CNBD1: variants seen among roughly 807,000 people sequenced by gnomAD.
CNBD1 encodes the protein cyclic nucleotide-binding domain-containing protein 1.
In CNBD1, 71 loss-of-function variants were observed where a neutral mutation model predicts 54.4. That is an observed-to-expected ratio of 1.30 (90% CI 1.08 to 1.59). The LOEUF (loss-of-function observed/expected upper bound fraction) is 1.59. CNBD1 is among the 40% of genes most tolerant of loss of function. The pLI is 0.00. For synonymous variants in CNBD1, 182 were observed against 170.7 expected (o/e 1.07, Z -0.51); for missense variants, 659 against 518.0 (o/e 1.27, Z -2.64).
chr8:87,298,969 G>A (rs192641299), intron 8 of CNBD1, among the ~76,000 whole-genome samples: 15 of 152,214 alleles, frequency 9.9e-5, no homozygotes, highest in Middle Eastern at 3.4e-3. Flanking sequence ...AATCTCAAAC[G>A]TTTACCATTC....
intron 3 of CNBD1, among the ~76,000 whole-genome samples, chr8:86,935,754 CCTTATA>C (rs2130415920): frequency 6.6e-6 from 1 of 152,152 alleles, no homozygotes; most frequent in Non-Finnish European, 1.5e-5. Flanking sequence ...TTATATATTT[CCTTATA>C]CTTATTTTGA....
At chr8:87,073,278 C>A (rs535445057) in intron 4 of CNBD1, among the ~76,000 whole-genome samples, 91 of 152,182 alleles carry the variant, frequency 6.0e-4, no homozygotes, top group Non-Finnish European at 1.1e-3. Flanking sequence ...TTTGTTATTA[C>A]TCACCTTGTG....
At chr8:87,134,383 G>A (rs1812182623) in intron 4 of CNBD1, among the ~76,000 whole-genome samples, 1 of 152,016 alleles carries the variant, frequency 6.6e-6, no homozygotes, top group Admixed American at 6.6e-5. Flanking sequence ...ACAAAAAAGA[G>A]TATATAGTGT....
At chr8:87,173,959 T>TTTA (rs145708759) in intron 4 of CNBD1, among the ~76,000 whole-genome samples, 50 of 151,418 alleles carry the variant, frequency 3.3e-4, no homozygotes, top group African/African-American at 1.0e-3. Context: ...TATTTATTTA[T>TTTA]TTATTATTAT....
intron 4 of CNBD1, among the ~76,000 whole-genome samples, chr8:86,979,224 G>T (rs1245046436): frequency 1.3e-5 from 2 of 151,078 alleles, no homozygotes; most frequent in Non-Finnish European, 2.9e-5. Context: ...TTTTATTATG[G>T]GCAATATATT....
intron 4 of CNBD1, among the ~76,000 whole-genome samples, chr8:87,183,125 C>G (rs185459076): frequency 6.8e-4 from 104 of 152,240 alleles, no homozygotes; most frequent in Admixed American, 2.1e-3. Context: ...CATGGCTAGA[C>G]AGTTATCCCA....
chr8:86,993,981 G>A (rs1486597335), intron 4 of CNBD1, among the ~76,000 whole-genome samples: 1 of 152,182 alleles, frequency 6.6e-6, no homozygotes, highest in Admixed American at 6.5e-5. Context: ...GCTCTATTGG[G>A]TAGAGGTCGT....
chr8:87,368,658 G>T (rs1586052645), intron 10 of CNBD1, among the ~76,000 whole-genome samples: 1 of 151,868 alleles, frequency 6.6e-6, no homozygotes, highest in Admixed American at 6.6e-5. Flanking sequence ...GAGAGAGAGT[G>T]AGAGAGAGAC....
intron 8 of CNBD1, among the ~76,000 whole-genome samples, chr8:87,301,541 C>T (rs948941823): frequency 6.6e-6 from 1 of 152,070 alleles, no homozygotes; most frequent in Non-Finnish European, 1.5e-5. Flanking sequence ...GATAGTTTAG[C>T]ATATGCAAGT....
At chr8:86,968,126 C>T (rs933120616) in intron 4 of CNBD1, among the ~76,000 whole-genome samples, 1 of 151,928 alleles carries the variant, frequency 6.6e-6, no homozygotes, top group Non-Finnish European at 1.5e-5. Flanking sequence ...GGATTTGGCT[C>T]GTCTGACAAA....
chr8:87,023,810 CT>C (rs528143655), intron 4 of CNBD1, among the ~76,000 whole-genome samples: 103 of 152,254 alleles, frequency 6.8e-4, no homozygotes, highest in Middle Eastern at 3.4e-3. Context: ...TTTGTTCTGA[CT>C]TCTTAGAAAG....
intron 8 of CNBD1, among the ~76,000 whole-genome samples, chr8:87,337,740 C>T (rs1283801177): frequency 6.6e-6 from 1 of 152,238 alleles, no homozygotes; most frequent in Non-Finnish European, 1.5e-5. Context: ...GTGTGGCTCT[C>T]AGGTGAGCTG....
chr8:87,049,696 T>G (rs781213613), intron 4 of CNBD1, among the ~76,000 whole-genome samples: 30 of 152,214 alleles, frequency 2.0e-4, no homozygotes, highest in Non-Finnish European at 4.3e-4. Flanking sequence ...GTGCAGGGTT[T>G]AGGCAAGGGC....
intron 8 of CNBD1, among the ~76,000 whole-genome samples, chr8:87,297,163 C>CAAAA (rs555582073): frequency 1.1e-5 from 1 of 88,720 alleles, no homozygotes. Context: ...GGGTCCGTCT[C>CAAAA]AAAAAAAAAA....
chr8:86,897,210 C>T (rs997879604), intron 2 of CNBD1, among the ~76,000 whole-genome samples: 1 of 152,080 alleles, frequency 6.6e-6, no homozygotes, highest in Non-Finnish European at 1.5e-5. Flanking sequence ...TTGCACTGGG[C>T]CCCGCAAATT....
chr8:86,951,916 A>T (rs1333187655), intron 4 of CNBD1, among the ~76,000 whole-genome samples: 1 of 152,162 alleles, frequency 6.6e-6, no homozygotes, highest in Admixed American at 6.6e-5. Context: ...AGCTACTAAG[A>T]TTAAAAAGCT....
intron 4 of CNBD1, among the ~76,000 whole-genome samples, chr8:87,063,842 G>T (rs961555537): frequency 6.6e-6 from 1 of 151,566 alleles, no homozygotes; most frequent in Non-Finnish European, 1.5e-5. Context: ...ATTATTTCTA[G>T]CAGTTTTATA....
At chr8:87,059,513 G>T (rs1014714218) in intron 4 of CNBD1, among the ~76,000 whole-genome samples, 2 of 151,814 alleles carry the variant, frequency 1.3e-5, no homozygotes, top group Non-Finnish European at 2.9e-5. Context: ...TGCAGAGCTG[G>T]GGAGGCCTCA....
At chr8:86,867,819 A>T (rs930653292) in intron 1 of CNBD1, among the ~76,000 whole-genome samples, 1 of 152,216 alleles carries the variant, frequency 6.6e-6, no homozygotes, top group Non-Finnish European at 1.5e-5. Flanking sequence ...CAATGAGATG[A>T]GATTTGTGCT....
Sources: allele counts gnomAD v4.1 joint callset (sites outside exome capture counted in the v4.1 genomes callset), GRCh38; gene constraint gnomAD v4.1.1; transcripts MANE v1.5; gene names NCBI Gene and HGNC (gene_info 2026-07-23, HGNC 2026-07-21).